The following DDR2 variants were observed in gnomAD, a reference collection of about 807,000 sequenced individuals.
DDR2 encodes the protein discoidin domain receptor tyrosine kinase 2.
DDR2 carries 27 observed loss-of-function variants against 94.9 expected under a neutral mutation model. The ratio of observed to expected loss-of-function variants is 0.28; its 90% CI spans 0.21 to 0.39. The LOEUF is 0.39. Ranked by LOEUF, DDR2 falls within the 10% of genes least tolerant of loss-of-function variation. The pLI is 1.00. For synonymous variants in DDR2, 382 were observed against 377.2 expected, an observed-to-expected ratio of 1.01 and a Z score of -0.15; for missense variants, 783 against 1,076.0, an observed-to-expected ratio of 0.73 and a Z score of 3.81.
intron 2 of DDR2, among the ~76,000 whole-genome samples, chr1:162,661,487 C>T (rs936183879): frequency 1.3e-5 from 2 of 152,202 alleles, no homozygotes; most frequent in African/African-American, 4.8e-5. Context: ...ATCCCACCAC[C>T]TGTCTCTTAT....
intron 1 of DDR2, among the ~76,000 whole-genome samples, chr1:162,640,037 T>C (rs1657045810): frequency 6.6e-6 from 1 of 151,692 alleles, no homozygotes; most frequent in Admixed American, 6.6e-5. Flanking sequence ...GTACTTTGGG[T>C]GAAATGATTT....
At position 162,742,018 on chromosome 1, in the gene DDR2, C is replaced by T. The variant is rs151211425; in HGVS notation, c.83-11077C>T. Among the ~76,000 whole-genome samples, 13 of 152,336 alleles carry T rather than the reference C, an allele frequency of 8.5e-5. No homozygotes were observed. The East Asian group carries it at 2.5e-3, about 29-fold the overall frequency. ...TTAGCATCCTGTGTTAGTGTTTCCTCATCCTTACTCTTCCCTTCAATTTCA... is the reference window on the plus strand; with the variant it reads ...TTAGCATCCTGTGTTAGTGTTTCCTTATCCTTACTCTTCCCTTCAATTTCA... On this transcript the variant is annotated intron_variant, in intron 3 of 17. Transcript: ENST00000367921.
intron 2 of DDR2, among the ~76,000 whole-genome samples, chr1:162,713,155 C>T (rs1661000701): frequency 1.3e-5 from 2 of 152,122 alleles, no homozygotes; most frequent in Admixed American, 1.3e-4. Context: ...AAAATAGAAA[C>T]AGGCAGTAAT....
At chr1:162,647,341 C>G (rs962970318) in intron 1 of DDR2, among the ~76,000 whole-genome samples, 1 of 152,156 alleles carries the variant, frequency 6.6e-6, no homozygotes, top group African/African-American at 2.4e-5. Context: ...GTTTTGTGGA[C>G]TTGACGTTTT....
At position 162,769,274 on chromosome 1, in the gene DDR2, G is replaced by A. The variant is rs17489265; in HGVS notation, c.1294-1028G>A. ...TACATCCTGAGTAAGATGACTCAAG[G>A]TGCTCTGGAATGACACCCAGTGTTT... On this transcript the variant is annotated intron_variant, in intron 11 of 17. Transcript: ENST00000367921. Among the ~76,000 whole-genome samples the A allele has an allele frequency of 9.8e-3, 1,491 of 152,276 alleles. 16 individuals carry two copies. Among genetic ancestry groups the A allele is most frequent in the South Asian group, 0.02 (97 of 4,830 alleles).
intron 2 of DDR2, among the ~76,000 whole-genome samples, chr1:162,679,954 T>C (rs1404157415): frequency 6.6e-6 from 1 of 152,216 alleles, no homozygotes; most frequent in Non-Finnish European, 1.5e-5. Context: ...TGTCTGTTCA[T>C]GTTCTTTGCC....
rs1648150678 is a variant in DDR2, at chr1:162,786,397, T to C, written c.*6151T>C. ...GTCTTGTCAAGGGGTAAAGGGCAAATGGATTTAATTTCTGCTTAAAACTAT... is the reference window on the plus strand; with the variant it reads ...GTCTTGTCAAGGGGTAAAGGGCAAACGGATTTAATTTCTGCTTAAAACTAT... On this transcript the variant is annotated 3_prime_UTR_variant, in exon 18 of 18. Transcript: ENST00000367921. 6.6e-6 allele frequency: 1 copy of C among 152,212 alleles called. No individual in the cohort carries two copies. The highest frequency in any genetic ancestry group is 6.5e-5 in the Admixed American group (1 of 15,288). The allele number at this position is 152,212 out of a possible 1,614,324, so 9.4% of individuals were successfully genotyped here.
intron 1 of DDR2, among the ~76,000 whole-genome samples, chr1:162,636,023 C>T (rs567559512): frequency 2.9e-4 from 44 of 152,188 alleles, no homozygotes; most frequent in Non-Finnish European, 5.0e-4. Context: ...TCAATCACCT[C>T]GTGTCTAAAG....
At chr1:162,655,740 G>A (rs528763639) in intron 2 of DDR2, among the ~76,000 whole-genome samples, 3 of 152,046 alleles carry the variant, frequency 2.0e-5, no homozygotes, top group Non-Finnish European at 4.4e-5. Flanking sequence ...GGGTTCCAGC[G>A]TCAATCTGTG....
In DDR2 at chr1:162,773,675, A is replaced by AT. The variant is rs1647358344; in HGVS notation, c.1856+85dup. ...GAATACTCCTGGATACTTCTGAGCA[A>AT]TTTTTTCTTTTGAGATGGGAAGGTC... On this transcript the variant is annotated intron_variant, in intron 14 of 17. Transcript: ENST00000367921. 8 of 1,594,938 alleles carry AT rather than the reference A, an allele frequency of 5.0e-6. No individual in the cohort carries two copies. The South Asian group carries it at 6.7e-5, about 13-fold the overall frequency.
intron 3 of DDR2, among the ~76,000 whole-genome samples, chr1:162,740,563 G>A (rs1298859844): frequency 6.6e-6 from 1 of 152,076 alleles, no homozygotes; most frequent in East Asian, 1.9e-4. Context: ...TATCTAAGAA[G>A]CCTACCTTGA....
chr1:162,659,207 A>G (rs1558010296), intron 2 of DDR2, among the ~76,000 whole-genome samples: 1 of 152,216 alleles, frequency 6.6e-6, no homozygotes, highest in Non-Finnish European at 1.5e-5. Flanking sequence ...GAAAAAGAGA[A>G]TTACACTCAA....
At position 162,773,510 on chromosome 1, in the gene DDR2, C is replaced by A. The variant is rs1313301863; in HGVS notation, c.1770C>A (p.Asp590Glu). Residue 590 changes from aspartate to glutamate, a missense_variant, in exon 14 of 18, where the codon GAC (aspartate) becomes GAA (glutamate). Around this residue, in one of 2 missense-constraint regions of DDR2, gnomAD observed 264 missense variants for 428.2 expected, o/e 0.62. Transcript: ENST00000367921. ...CEVEGMEKFK[D>E]KDFALDVSAN... is the part of the protein sequence containing the mutation. ...TGGAGGGAATGGAAAAATTCAAAGACAAAGATTTTGCCCTAGATGTCAGTG... is the reference window on the plus strand; with the variant it reads ...TGGAGGGAATGGAAAAATTCAAAGAAAAAGATTTTGCCCTAGATGTCAGTG... The A allele has an allele frequency of 1.9e-6, 3 of 1,614,024 alleles. No individual in the cohort carries two copies. The highest frequency in any genetic ancestry group is 2.5e-6 in the Non-Finnish European group (3 of 1,179,936).
At chr1:162,654,914 A>G (rs1454342058) in intron 1 of DDR2, among the ~76,000 whole-genome samples, 5 of 152,192 alleles carry the variant, frequency 3.3e-5, no homozygotes, top group Non-Finnish European at 7.3e-5. Flanking sequence ...TATTTTTATA[A>G]CAATTTTGAA....
intron 11 of DDR2, among the ~76,000 whole-genome samples, chr1:162,769,482 CT>C (rs1159820442): frequency 6.6e-6 from 1 of 152,184 alleles, no homozygotes; most frequent in Non-Finnish European, 1.5e-5. Flanking sequence ...TTGTTCTGAG[CT>C]TCATGCTTAG....
At chr1:162,636,162 A>G (rs184883258) in intron 1 of DDR2, among the ~76,000 whole-genome samples, 5 of 152,310 alleles carry the variant, frequency 3.3e-5, no homozygotes, top group South Asian at 2.1e-4. Flanking sequence ...ATTGTTTTGC[A>G]TAGATATATT....
At chr1:162,717,996 A>G (rs1446379419) in intron 2 of DDR2, among the ~76,000 whole-genome samples, 1 of 152,236 alleles carries the variant, frequency 6.6e-6, no homozygotes, top group Non-Finnish European at 1.5e-5. Context: ...CAGATTATCT[A>G]CATAAATTAT....
chr1:162,775,989 C>T (rs1294920946), intron 15 of DDR2, 146 bp downstream of exon 15: 31 of 1,349,514 alleles, frequency 2.3e-5, no homozygotes, highest in Non-Finnish European at 3.3e-5. Flanking sequence ...AGCAGCTGCC[C>T]TTTGGGGAAA....
intron 1 of DDR2, among the ~76,000 whole-genome samples, chr1:162,642,486 T>C (rs6427689): frequency 0.95 from 140,879 of 148,164 alleles, 67,445 homozygotes; most frequent in East Asian, 1. Flanking sequence ...GATGGGGTTT[T>C]TTCATGTTGA....
Sources: gnomAD v4.1 joint callset for allele counts (sites outside exome capture counted in the v4.1 genomes callset) on GRCh38, gnomAD v4.1.1 for gene constraint, gnomAD v4.1.1 regional missense constraint, MANE v1.5 for transcripts, NCBI Gene and HGNC (gene_info 2026-07-23, HGNC 2026-07-21) for gene names.